SLC22A3: variants seen among roughly 807,000 people sequenced by gnomAD.
The protein encoded by SLC22A3 is solute carrier family 22 member 3, also known as EMT organic cation transporter 3.
SLC22A3 carries 51 observed loss-of-function variants against 59.1 expected under a neutral mutation model. That is an observed-to-expected ratio of 0.86 (90% CI 0.69 to 1.09). The LOEUF is 1.09. Among genes scored for constraint, SLC22A3 ranks in the 50% least tolerant of loss-of-function variants. The probability of loss-of-function intolerance (pLI) is 0.00; values close to 1 mark genes in which losing one functional copy is unlikely to be tolerated. For missense variants in SLC22A3, 711 were observed against 726.3 expected (o/e 0.98, Z 0.24); for synonymous variants, 325 against 292.0 (o/e 1.11, Z -1.15).
At chr6:160,425,225 A>G (rs1462556926) in intron 5 of SLC22A3, among the ~76,000 whole-genome samples, 1 of 152,218 alleles carries the variant, frequency 6.6e-6, no homozygotes, top group Admixed American at 6.5e-5. Flanking sequence ...ATTTTTTCAC[A>G]TTAAAAACTG....
chr6:160,412,861 T>C (rs1787312588), intron 5 of SLC22A3, among the ~76,000 whole-genome samples: 1 of 151,936 alleles, frequency 6.6e-6, no homozygotes, highest in African/African-American at 2.4e-5. Flanking sequence ...TATAGAAATA[T>C]ATTTAGGAAT....
At chr6:160,379,328 C>A (rs1330990251) in intron 1 of SLC22A3, among the ~76,000 whole-genome samples, 1 of 152,174 alleles carries the variant, frequency 6.6e-6, no homozygotes, top group Non-Finnish European at 1.5e-5. Flanking sequence ...TACATGGGGT[C>A]TTAGAATGCA....
intron 5 of SLC22A3, among the ~76,000 whole-genome samples, chr6:160,419,150 T>G (rs1787626178): frequency 6.6e-6 from 1 of 152,198 alleles, no homozygotes; most frequent in Admixed American, 6.5e-5. Flanking sequence ...AAAACCTCAT[T>G]AGAAAGTGTC....
chr6:160,413,962 T>G (rs1482954757), intron 5 of SLC22A3, among the ~76,000 whole-genome samples: 1 of 152,198 alleles, frequency 6.6e-6, no homozygotes, highest in African/African-American at 2.4e-5. Flanking sequence ...ATTCCAACTT[T>G]GGGAATAAAA....
In SLC22A3 at chr6:160,451,111, A is replaced by AGGCAC; in HGVS notation, c.*55_*56insGGCAC. ...TATCCAGGAGCTGATCCTCCTTGCAAAGCTGTGCCTTGCAGAGATGCACGT... is the reference window on the plus strand; with the variant it reads ...TATCCAGGAGCTGATCCTCCTTGCAAGGCACAGCTGTGCCTTGCAGAGATGCACGT... On this transcript the variant is annotated 3_prime_UTR_variant, in exon 11 of 11. Transcript: ENST00000275300. The AGGCAC allele has an allele frequency of 3.3e-6, 5 of 1,531,514 alleles. No individual in the cohort carries two copies. The highest frequency in any genetic ancestry group is 4.5e-6 in the Non-Finnish European group (5 of 1,121,000). The allele number at this position is 1,531,514 out of a possible 1,614,324, so 94.9% of individuals were successfully genotyped here. A position where few individuals can be genotyped will look rare whatever the true frequency, so the allele number is the denominator to read the frequency against.
chr6:160,349,019 G>A (rs1463180730), intron 1 of SLC22A3, 171 bp downstream of exon 1: 3 of 985,476 alleles, frequency 3.0e-6, no homozygotes, highest in Non-Finnish European at 3.6e-6. Context: ...GTGCCGCGTC[G>A]TAAATGCTGG....
At chr6:160,356,971 T>C (rs1268424129) in intron 1 of SLC22A3, among the ~76,000 whole-genome samples, 1 of 152,154 alleles carries the variant, frequency 6.6e-6, no homozygotes, top group African/African-American at 2.4e-5. Context: ...GGGTGAAGTT[T>C]AGGGGCTTAG....
chr6:160,411,359 G>GTCT (rs1787241990), intron 5 of SLC22A3, among the ~76,000 whole-genome samples: 1 of 152,126 alleles, frequency 6.6e-6, no homozygotes. Context: ...CTATATGCTG[G>GTCT]TCTTTCTCCC....
chr6:160,441,607 C>CTTTT (rs3066987), intron 7 of SLC22A3, among the ~76,000 whole-genome samples: 4 of 136,588 alleles, frequency 2.9e-5, no homozygotes, highest in Non-Finnish European at 6.2e-5. Context: ...TGAATTTTAG[C>CTTTT]TTTTTTTTTT....
In SLC22A3 at chr6:160,451,351, T is replaced by G. The variant is rs1208869233; in HGVS notation, c.*295T>G. On this transcript the variant is annotated 3_prime_UTR_variant, in exon 11 of 11. Coordinates refer to ENST00000275300, the MANE Select transcript of SLC22A3 (RefSeq NM_021977.4). ...TGTGTTCCCTGTGGTCTCTGACCCA[T>G]TAGGCTAAAGAGAGACAAGAGAAGC... 1 of 382,064 alleles carries G rather than the reference T, an allele frequency of 2.6e-6. No individual in the cohort carries two copies. Among genetic ancestry groups the G allele is most frequent in the Middle Eastern group, 7.6e-4 (1 of 1,320 alleles). The allele number at this position is 382,064 out of a possible 1,614,324, so 23.7% of individuals were successfully genotyped here.
chr6:160,429,706 A>G (rs1477681260), intron 5 of SLC22A3, among the ~76,000 whole-genome samples: 1 of 152,176 alleles, frequency 6.6e-6, no homozygotes, highest in Non-Finnish European at 1.5e-5. Context: ...TTTGAGTTGC[A>G]AGGTTGCGTA....
intron 1 of SLC22A3, among the ~76,000 whole-genome samples, chr6:160,352,490 A>G (rs1784694339): frequency 6.6e-6 from 1 of 152,142 alleles, no homozygotes; most frequent in South Asian, 2.1e-4. Context: ...AGGATTTTTC[A>G]ATGCTTGCTA....
chr6:160,423,478 T>A (rs1050386414), intron 5 of SLC22A3, among the ~76,000 whole-genome samples: 1 of 123,514 alleles, frequency 8.1e-6, no homozygotes, highest in African/African-American at 3.2e-5. Flanking sequence ...TTTCTCCACA[T>A]CCTCTCCAGC....
intron 1 of SLC22A3, among the ~76,000 whole-genome samples, chr6:160,378,726 A>AAATTTTGAG (rs1163016576): frequency 2.6e-5 from 4 of 152,226 alleles, no homozygotes; most frequent in Admixed American, 2.0e-4. Flanking sequence ...AGCCCAGCCT[A>AAATTTTGAG]CTTTAAATTG....
chr6:160,349,149 G>T (rs1317223298), intron 1 of SLC22A3: 6 of 856,798 alleles, frequency 7.0e-6, no homozygotes, highest in African/African-American at 1.8e-5. Flanking sequence ...GCCTGCTCAG[G>T]AGTCAAAGAC....
chr6:160,386,018 A>G (rs941998049), intron 1 of SLC22A3, among the ~76,000 whole-genome samples: 13 of 152,182 alleles, frequency 8.5e-5, no homozygotes, highest in African/African-American at 2.9e-4. Context: ...GTGTCTCTCA[A>G]CTGTTTGAAT....
At chr6:160,434,861 T>C (rs920785406) in intron 5 of SLC22A3, among the ~76,000 whole-genome samples, 1 of 152,152 alleles carries the variant, frequency 6.6e-6, no homozygotes, top group Non-Finnish European at 1.5e-5. Context: ...AATACAGTGA[T>C]GAAAAAGATA....
rs565235621 is a variant in SLC22A3 at position 160,408,823 on chromosome 6, A to G, written c.759A>G (p.Gly253=). ...TGATTCAAATGTTCTTTACCCTTGG[A>G]ATCATAATTCTCCCTGGAATTGCCT... ...GIVIQMFFTL[G]IIILPGIAYF... is the part of the protein sequence containing the mutation. Residue 253 remains glycine, a synonymous_variant, in exon 4 of 11, where the codon GGA becomes GGG. Coordinates refer to ENST00000275300, the MANE Select transcript of SLC22A3 (RefSeq NM_021977.4). 2 of 1,613,770 alleles carry G rather than the reference A, an allele frequency of 1.2e-6. No homozygotes were observed. Among genetic ancestry groups the G allele is most frequent in the South Asian group, 1.1e-5 (1 of 91,076 alleles).
chr6:160,419,045 G>A (rs1052143876), intron 5 of SLC22A3, among the ~76,000 whole-genome samples: 1 of 152,154 alleles, frequency 6.6e-6, no homozygotes, highest in Non-Finnish European at 1.5e-5. Flanking sequence ...ATCAGGAACG[G>A]AATTTGAGCT....
Sources: gnomAD v4.1 joint callset for allele counts (sites outside exome capture counted in the v4.1 genomes callset) on GRCh38, gnomAD v4.1.1 for gene constraint, MANE v1.5 for transcripts, NCBI Gene and HGNC (gene_info 2026-07-23, HGNC 2026-07-21) for gene names.